Variants in PYGB observed in about 807,000 individuals in gnomAD.
PYGB encodes the protein glycogen phosphorylase, brain form.
In PYGB, 82 loss-of-function variants were observed where a neutral mutation model predicts 94.3. The observed-to-expected ratio is 0.87, with a 90% confidence interval of 0.73 to 1.04. The LOEUF (loss-of-function observed/expected upper bound fraction) is 1.04, where lower values mean the gene tolerates loss of function less well. PYGB is among the 50% of genes least tolerant of loss of function. The probability of loss-of-function intolerance (pLI) is 0.00; values close to 1 mark genes in which losing one functional copy is unlikely to be tolerated. For missense variants in PYGB, 1,132 were observed against 1,158.2 expected, an observed-to-expected ratio of 0.98 and a Z score of 0.33; for synonymous variants, 488 against 479.1, an observed-to-expected ratio of 1.02 and a Z score of -0.24.
At chr20:25,290,743 A>C (rs1320692778) in intron 16 of PYGB, 121 bp downstream of exon 16, 2 of 1,394,878 alleles carry the variant, frequency 1.4e-6, no homozygotes, top group East Asian at 4.6e-5. Context: ...AGACCTAGCC[A>C]GCCGGGCTGC....
chr20:25,253,104 A>T (rs1335713049), intron 1 of PYGB, among the ~76,000 whole-genome samples: 1 of 152,260 alleles, frequency 6.6e-6, no homozygotes, highest in African/African-American at 2.4e-5. Flanking sequence ...ACAAATAAGT[A>T]TATCTCATTA....
At position 25,248,400 on chromosome 20, in the gene PYGB, C is replaced by T; in HGVS notation, c.222C>T (p.His74=). Residue 74 remains histidine (H), a synonymous_variant, in exon 1 of 20, where the codon CAC becomes CAT. Coordinates refer to ENST00000216962, the MANE Select transcript of PYGB (RefSeq NM_002862.4). The part of the protein sequence containing the change: ...LVGRWIRTQQ[H]YYERDPKRIY... ...GCCGCTGGATCCGCACGCAGCAGCA[C>T]TACTACGAGCGCGACCCCAAGGTGA... 1 of 1,557,600 alleles carries T rather than the reference C, an allele frequency of 6.4e-7. No homozygotes were observed. The highest frequency in any genetic ancestry group is 8.7e-7 in the Non-Finnish European group (1 of 1,151,758).
intron 16 of PYGB, among the ~76,000 whole-genome samples, chr20:25,292,050 C>T (rs977634964): frequency 2.6e-5 from 4 of 152,180 alleles, no homozygotes; most frequent in East Asian, 1.9e-4. Context: ...TGATCAAGGT[C>T]GCGGTGATCC....
chr20:25,265,132 A>C (rs2088205770), intron 2 of PYGB, among the ~76,000 whole-genome samples: 1 of 152,218 alleles, frequency 6.6e-6, no homozygotes, highest in African/African-American at 2.4e-5. Context: ...ACACATCTAC[A>C]ACCATCTGAT....
At chr20:25,255,939 G>A (rs1290067558) in intron 1 of PYGB, among the ~76,000 whole-genome samples, 1 of 152,054 alleles carries the variant, frequency 6.6e-6, no homozygotes, top group Non-Finnish European at 1.5e-5. Flanking sequence ...CATCATGTTG[G>A]CCAGGCTGGT....
At position 25,280,316 on chromosome 20, in the gene PYGB, G is replaced by T. The variant is rs1316101150; in HGVS notation, c.1143G>T (p.Leu381=). The T allele has an allele frequency of 1.4e-5, 22 of 1,614,030 alleles. No homozygotes were observed. In the Admixed American group the frequency reaches 3.3e-4, roughly 24 times the overall value. The part of the protein sequence containing the change: ...KTCAYTNHTV[L]PEALERWPVS... ...GTGCATACACCAACCACACTGTGCT[G>T]CCTGAGGCCTTGGAGCGCTGGCCCG... Residue 381 remains leucine (L), a synonymous_variant, in exon 10 of 20, where the codon CTG becomes CTT. Transcript: ENST00000216962.
intron 5 of PYGB, among the ~76,000 whole-genome samples, chr20:25,275,630 G>T (rs2260997): frequency 0.43 from 65,241 of 152,156 alleles, 14,821 homozygotes; most frequent in East Asian, 0.92. Context: ...TATTTAACTT[G>T]CAAGAGCAGG....
intron 1 of PYGB, among the ~76,000 whole-genome samples, chr20:25,249,722 G>A (rs2092882145): frequency 6.6e-6 from 1 of 152,172 alleles, no homozygotes; most frequent in Non-Finnish European, 1.5e-5. Flanking sequence ...GCAAAACATA[G>A]AAGTGGCAAC....
Position 25,281,050 on chromosome 20 carries a change from G to C in PYGB, c.1341G>C (p.Val447=), listed in dbSNP as rs748953484. ...GGATCAACATGGCCCACCTGTGTGT[G>C]ATTGGGTCCCATGCTGTCAATGGTG... The part of the protein sequence containing the change: ...CKRINMAHLC[V]IGSHAVNGVA... The change falls in exon 11 of 20, where the codon GTG becomes GTC. Residue 447 remains valine (V), a synonymous_variant. Coordinates refer to ENST00000216962, the MANE Select transcript of PYGB (RefSeq NM_002862.4). 6.2e-7 allele frequency: 1 copy of C among 1,614,212 alleles called. No individual in the cohort carries two copies. The highest frequency in any genetic ancestry group is 8.5e-7 in the Non-Finnish European group (1 of 1,180,030).
At chr20:25,290,296 C>T (rs532827154) in intron 15 of PYGB, among the ~76,000 whole-genome samples, 185 bp from the exon 16 acceptor site, 4 of 152,340 alleles carry the variant, frequency 2.6e-5, no homozygotes, top group South Asian at 2.1e-4. Context: ...TGGCCACCAT[C>T]GTGAGTGCGC....
Position 25,248,570 on chromosome 20 carries a change from C to A in PYGB, c.243+149C>A, listed in dbSNP as rs1193393543. 6.4e-6 allele frequency: 7 copies of A among 1,096,006 alleles called. No homozygotes were observed. The African/African-American group carries it at 1.1e-4, about 18-fold the overall frequency. 67.9% of individuals were successfully genotyped at this position (1,096,006 alleles called of 1,614,324 possible). A position where few individuals can be genotyped will look rare whatever the true frequency, so the allele number is the denominator to read the frequency against. On this transcript the variant is annotated intron_variant, in intron 1 of 19. Transcript: ENST00000216962. ...GGCCAGGCACAGCCGACTGGGGAGT[C>A]GCCTGGAAGCCGCAGTCGGCGGGGC... is the stretch of plus-strand genomic sequence containing the variant.
chr20:25,261,249 C>T (rs1184634305), intron 2 of PYGB, among the ~76,000 whole-genome samples: 1 of 152,230 alleles, frequency 6.6e-6, no homozygotes, highest in Non-Finnish European at 1.5e-5. Flanking sequence ...CCGACTGACA[C>T]CTCACACAGC....
intron 17 of PYGB, among the ~76,000 whole-genome samples, chr20:25,293,428 C>G (rs930760902): frequency 0.015 from 2 of 136 alleles, no homozygotes; most frequent in South Asian, 0.25. Context: ...TCTTCATGAT[C>G]TGGACGTCAT....
intron 4 of PYGB, 39 bp downstream of exon 4, chr20:25,271,525 C>A (rs2281559): frequency 4.4e-6 from 7 of 1,573,810 alleles, no homozygotes; most frequent in Non-Finnish European, 5.2e-6. Flanking sequence ...TTCCAGCTCT[C>A]GTTCACACAA....
chr20:25,258,357 A>C (rs1351868284), intron 1 of PYGB, among the ~76,000 whole-genome samples: 1 of 152,168 alleles, frequency 6.6e-6, no homozygotes, highest in African/African-American at 2.4e-5. Context: ...CCCACCCTCA[A>C]GGTGGCAGAC....
intron 6 of PYGB, 141 bp from the exon 7 acceptor site, chr20:25,277,103 G>C (rs1179659489): frequency 1.5e-6 from 1 of 675,900 alleles, no homozygotes; most frequent in African/African-American, 1.8e-5. Context: ...CCAGGGATGG[G>C]GGTGAGGGGA....
Position 25,274,675 on chromosome 20 carries a change from C to T in PYGB, c.612C>T (p.Tyr204=), listed in dbSNP as rs778309664. 6.2e-6 allele frequency: 10 copies of T among 1,613,688 alleles called. No homozygotes were observed. Among genetic ancestry groups the T allele is most frequent in the South Asian group, 1.1e-5 (1 of 91,092 alleles). Residue 204 remains tyrosine (Y), a synonymous_variant, in exon 5 of 20, where the codon TAC becomes TAT. Transcript: ENST00000216962. Reference sequence around the variant, plus strand: ...AGTATATGCTTCCCGTGCACTTCTACGGACGCGTGGAGCACACCCCCGACG... The same window carrying T: ...AGTATATGCTTCCCGTGCACTTCTATGGACGCGTGGAGCACACCCCCGACG... The part of the protein sequence containing the change: ...RPEYMLPVHF[Y]GRVEHTPDGV...
intron 2 of PYGB, among the ~76,000 whole-genome samples, chr20:25,260,200 T>A (rs1219034741): frequency 6.6e-6 from 1 of 152,374 alleles, no homozygotes; most frequent in East Asian, 1.9e-4. Flanking sequence ...TGCTAAAGGT[T>A]ACCCTGGCAG....
chr20:25,265,011 A>G (rs1224916482), intron 2 of PYGB, among the ~76,000 whole-genome samples: 1 of 152,222 alleles, frequency 6.6e-6, no homozygotes, highest in Non-Finnish European at 1.5e-5. Flanking sequence ...GCATCATGCT[A>G]CCTGACTTCA....
Sources: allele counts gnomAD v4.1 joint callset (sites outside exome capture counted in the v4.1 genomes callset), GRCh38; gene constraint gnomAD v4.1.1; transcripts MANE v1.5; gene names NCBI Gene and HGNC (gene_info 2026-07-23, HGNC 2026-07-21).